Variants in NCOA1 observed in about 807,000 individuals in gnomAD.
NCOA1 encodes nuclear receptor coactivator 1.
A neutral mutation model predicts 150.9 loss-of-function variants in NCOA1; 35 were observed. The observed-to-expected ratio is 0.23, with a 90% CI of 0.18 to 0.31. NCOA1 has a LOEUF of 0.31. NCOA1 is among the 10% of genes least tolerant of loss of function. The probability of loss-of-function intolerance (pLI) is 1.00; values close to 1 mark genes in which losing one functional copy is unlikely to be tolerated. For missense variants in NCOA1, 1,491 were observed against 1,749.3 expected, an observed-to-expected ratio of 0.85 and a Z score of 2.63; for synonymous variants, 590 against 630.0, an observed-to-expected ratio of 0.94 and a Z score of 0.95.
chr2:24,570,963 A>C (rs551004046), intron 2 of NCOA1, among the ~76,000 whole-genome samples: 2 of 152,316 alleles, frequency 1.3e-5, no homozygotes, highest in Admixed American at 6.5e-5. Context: ...GAAATAGGGA[A>C]ATTTTAACAC....
Position 24,569,552 on chromosome 2 carries a change from A to ATTTTTTTTT in NCOA1, c.-260+5141_-260+5149dup, listed in dbSNP as rs200639064. On this transcript the variant is annotated intron_variant, in intron 2 of 22. Coordinates refer to ENST00000348332, the MANE Select transcript of NCOA1 (RefSeq NM_003743.5). The stretch of plus-strand genomic sequence containing the variant: ...ATCCTCAAACTTGTTGGTTTTATTA[A>ATTTTTTTTT]TTTTTTTTTTTTTTTTTTTTTTTTT... Among the ~76,000 whole-genome samples the ATTTTTTTTT allele has an allele frequency of 6.3e-4, 59 of 93,790 alleles. 4 individuals are homozygous for ATTTTTTTTT. The highest frequency in any genetic ancestry group is 1.8e-3 in the African/African-American group (46 of 24,942). The allele number at this position is 93,790 out of a possible 152,430, so 61.5% of individuals were successfully genotyped here.
At chr2:24,555,158 C>A (rs1283527693) in intron 1 of NCOA1, among the ~76,000 whole-genome samples, 1 of 152,134 alleles carries the variant, frequency 6.6e-6, no homozygotes, top group Non-Finnish European at 1.5e-5. Flanking sequence ...TTGATATTTT[C>A]TCTTTTAATT....
At chr2:24,702,643 C>T (rs1001212557) in intron 11 of NCOA1, among the ~76,000 whole-genome samples, 2 of 152,118 alleles carry the variant, frequency 1.3e-5, no homozygotes, top group Non-Finnish European at 1.5e-5. Context: ...GTTAAAGGTT[C>T]TTTGGAAGGA....
At chr2:24,637,221 A>G (rs1377834933) in intron 3 of NCOA1, among the ~76,000 whole-genome samples, 1 of 124,266 alleles carries the variant, frequency 8.0e-6, no homozygotes, top group Non-Finnish European at 1.7e-5. Context: ...TCCTAATGCT[A>G]TCCCTCCCCC....
intron 2 of NCOA1, 126 bp from the exon 3 acceptor site, chr2:24,584,350 A>C (rs1667314449): frequency 6.6e-6 from 1 of 152,208 alleles, no homozygotes; most frequent in African/African-American, 2.4e-5. Context: ...AATTCAGAAT[A>C]GTACTTTAAA....
intron 1 of NCOA1, among the ~76,000 whole-genome samples, chr2:24,521,110 C>G (rs1395211226): frequency 6.6e-6 from 1 of 152,034 alleles, no homozygotes; most frequent in Non-Finnish European, 1.5e-5. Flanking sequence ...TTTTTTCTCT[C>G]TCTCCAGCTT....
intron 4 of NCOA1, among the ~76,000 whole-genome samples, chr2:24,650,667 T>C (rs2148476583): frequency 6.6e-6 from 1 of 152,190 alleles, no homozygotes; most frequent in East Asian, 1.9e-4. Context: ...TGAAAAGATA[T>C]TTCTTTAAGG....
chr2:24,665,937 C>G, intron 6 of NCOA1, 22 bp downstream of exon 6: 2 of 1,387,994 alleles, frequency 1.4e-6, no homozygotes, highest in Non-Finnish European at 1.9e-6. Context: ...AAAGAAAACC[C>G]ATGGCTGTGT....
Position 24,666,635 on chromosome 2 carries a change from C to T in NCOA1, c.256+720C>T, listed in dbSNP as rs138104249. Among the ~76,000 whole-genome samples the T allele has an allele frequency of 2.4e-3, 297 of 121,346 alleles. 11 individuals are homozygous for T. The East Asian group carries it at 0.065, about 26-fold the overall frequency. 79.6% of individuals were successfully genotyped at this position (121,346 alleles called of 152,430 possible). On this transcript the variant is annotated intron_variant, in intron 6 of 22. Coordinates refer to ENST00000348332, the MANE Select transcript of NCOA1 (RefSeq NM_003743.5). ...ACCTGGGCTCTTCTCTGAAAAAACC[C>T]GGATTTTTTTTTTTTTTGAGATGGA...
At chr2:24,638,139 C>CTCTA (rs1300567721) in intron 3 of NCOA1, among the ~76,000 whole-genome samples, 2 of 150,582 alleles carry the variant, frequency 1.3e-5, no homozygotes, top group Non-Finnish European at 3.0e-5. Flanking sequence ...CCTTCCCAGC[C>CTCTA]TCTAGTATCT....
In NCOA1 at chr2:24,703,467, A is replaced by G. The variant is rs546468248; in HGVS notation, c.950-1619A>G. ...CATCCAAAACAAATAATCTAATTTCAAAACATAAAGTGTGGTAATTGTCTT... is the reference window on the plus strand; with the variant it reads ...CATCCAAAACAAATAATCTAATTTCGAAACATAAAGTGTGGTAATTGTCTT... On this transcript the variant is annotated intron_variant, in intron 11 of 22. Transcript: ENST00000348332. Among the ~76,000 whole-genome samples the G allele has an allele frequency of 2.0e-5, 3 of 152,344 alleles. No individual in the cohort carries two copies. In the South Asian group the frequency reaches 6.2e-4, roughly 32 times the overall value.
intron 21 of NCOA1, 97 bp downstream of exon 21, chr2:24,758,253 A>G: frequency 8.4e-7 from 1 of 1,196,772 alleles, no homozygotes; most frequent in Non-Finnish European, 1.1e-6. Context: ...AAATAGCCAC[A>G]CTTCTTTATT....
intron 2 of NCOA1, among the ~76,000 whole-genome samples, chr2:24,568,988 G>T (rs1666623622): frequency 6.6e-6 from 1 of 152,048 alleles, no homozygotes; most frequent in Admixed American, 6.5e-5. Context: ...AAGCTTCTTT[G>T]TTTCCTTCTG....
At chr2:24,525,115 A>G (rs1302443566) in intron 1 of NCOA1, among the ~76,000 whole-genome samples, 1 of 152,172 alleles carries the variant, frequency 6.6e-6, no homozygotes, top group Non-Finnish European at 1.5e-5. Flanking sequence ...GCAAAACACA[A>G]ATTGTTTCAT....
intron 1 of NCOA1, among the ~76,000 whole-genome samples, chr2:24,542,031 C>T (rs959404214): frequency 2.0e-5 from 3 of 152,094 alleles, no homozygotes; most frequent in Non-Finnish European, 4.4e-5. Flanking sequence ...AGATTGGATA[C>T]TCCAGGAAAT....
intron 3 of NCOA1, among the ~76,000 whole-genome samples, chr2:24,614,801 A>G (rs1307582953): frequency 6.6e-6 from 1 of 152,230 alleles, no homozygotes; most frequent in African/African-American, 2.4e-5. Context: ...ATAATTAAAT[A>G]ATAACAGCTA....
chr2:24,696,469 CAT>C (rs1285245089), intron 10 of NCOA1, among the ~76,000 whole-genome samples: 1 of 152,100 alleles, frequency 6.6e-6, no homozygotes, highest in African/African-American at 2.4e-5. Flanking sequence ...AATTTGAAAA[CAT>C]AAAGAAGCCT....
intron 1 of NCOA1, among the ~76,000 whole-genome samples, chr2:24,529,909 C>A (rs77065424): frequency 9.2e-4 from 140 of 152,266 alleles, no homozygotes; most frequent in Non-Finnish European, 1.9e-3. Flanking sequence ...TATAGACATT[C>A]TTTACTTTTA....
intron 8 of NCOA1, 105 bp downstream of exon 8, chr2:24,683,233 T>A: frequency 2.0e-5 from 12 of 590,222 alleles, no homozygotes; most frequent in Non-Finnish European, 2.9e-5. Context: ...CAGTATTATA[T>A]ATGTTATAAT....
Sources: gnomAD v4.1 joint callset for allele counts (sites outside exome capture counted in the v4.1 genomes callset) on GRCh38, gnomAD v4.1.1 for gene constraint, MANE v1.5 for transcripts, NCBI Gene and HGNC (gene_info 2026-07-23, HGNC 2026-07-21) for gene names.